Variants in TTN observed in about 807,000 individuals in gnomAD.
TTN encodes titin.
TTN carries 1,525 observed loss-of-function variants against 3,223.0 expected under a neutral mutation model. The ratio of observed to expected loss-of-function variants is 0.47; its 90% CI spans 0.45 to 0.49. TTN has a LOEUF of 0.49. TTN is among the 20% of genes least tolerant of loss of function. TTN has a pLI of 0.00. For synonymous variants in TTN, 14,094 were observed against 15,161.0 expected (o/e 0.93, Z 5.17); for missense variants, 40,786 against 43,424.0 (o/e 0.94, Z 5.40).
At chr2:178,683,779 A>C (rs895763492) in intron 133 of TTN, among the ~76,000 whole-genome samples, 1 of 152,058 alleles carries the variant, frequency 6.6e-6, no homozygotes, top group Non-Finnish European at 1.5e-5. Flanking sequence ...GATTAAGGAA[A>C]ATTATTCACA....
intron 150 of TTN, 151 bp downstream of exon 150, chr2:178,674,888 T>C: frequency 2.3e-6 from 1 of 432,048 alleles, no homozygotes; most frequent in Non-Finnish European, 4.0e-6. Flanking sequence ...TTAATTTGCC[T>C]GCCCAATTTC....
intron 22 of TTN, 134 bp downstream of exon 22, chr2:178,779,866 C>T (rs2092609482): frequency 2.4e-6 from 2 of 823,714 alleles, no homozygotes; most frequent in East Asian, 2.6e-5. Flanking sequence ...ATTAAGGAAA[C>T]TTAGCAACAG....
Position 178,611,078 on chromosome 2 carries a change from A to T in TTN, c.51051T>A (p.Ser17017Arg). The change falls in exon 270 of 363, where the codon AGT becomes AGA. Residue 17017 changes from serine (S) to arginine (R), a missense_variant. Transcript: ENST00000589042. ...TATAAATTCCGGCATCTGCACGGAC[A>T]CTCTTGGGAACTTCAAGGTGTGCAG... Reference protein sequence around the residue: ...HISAHLEVPKSVRADAGIYTI... With the variant: ...HISAHLEVPKRVRADAGIYTI... 6.2e-7 allele frequency: 1 copy of T among 1,612,754 alleles called. No homozygotes were observed. The highest frequency in any genetic ancestry group is 2.2e-5 in the East Asian group (1 of 44,676).
chr2:178,636,443 A>C lies in TTN; in HGVS notation c.41284T>G (p.Leu13762Val). 1 of 1,611,754 alleles carries C rather than the reference A, an allele frequency of 6.2e-7. No individual in the cohort carries two copies. The highest frequency in any genetic ancestry group is 8.5e-7 in the Non-Finnish European group (1 of 1,178,772). Residue 13762 changes from leucine to valine, a missense_variant, in exon 225 of 363, where the codon TTG becomes GTG. Coordinates refer to ENST00000589042, the MANE Select transcript of TTN (RefSeq NM_001267550.2). The surrounding 1 kb of genome is among the most constrained non-coding windows in gnomAD (Gnocchi z 4.3). ...GTGGAGGTCTTTTCTTTGTTTCCCA[A>C]ACGTAAAACACAGGTGTATTCACCA... The part of the protein sequence containing the change: ...DAGEYTCVLR[L>V]GNKEKTSTAK...
At position 178,677,882 on chromosome 2, in the gene TTN, C is replaced by G. The variant is rs2068464514; in HGVS notation, c.34030G>C (p.Ala11344Pro). The change falls in exon 146 of 363, where the codon GCT becomes CCT. Residue 11344 changes from alanine to proline, a missense_variant. Physicochemically the swap from Ala to Pro is conservative, Grantham distance 27. Transcript: ENST00000589042. ...AGAACTTCCTCTTCCTGAGGTAGAG[C>G]TACAGGAACTGGAACTGGTTCACGT... ...KKREPVPVPV[A>P]LPQEEEVLFE... 6.2e-7 allele frequency: 1 copy of G among 1,609,506 alleles called. No homozygotes were observed.
At position 178,632,250 on chromosome 2, in the gene TTN, C is replaced by T; in HGVS notation, c.43644G>A (p.Gly14548=). Residue 14548 remains glycine (G), a synonymous_variant, in exon 236 of 363, where the codon GGG becomes GGA. Coordinates refer to ENST00000589042, the MANE Select transcript of TTN (RefSeq NM_001267550.2). ...TTRSVSMQDE[G]KTHSITFKDL... ...CTTTGAATGTGATCGAATGAGTTTT[C>T]CCTTCGTCTTGCATTGAGACCGACC... The T allele has an allele frequency of 6.2e-7, 1 of 1,608,428 alleles. No individual in the cohort carries two copies. The highest frequency in any genetic ancestry group is 8.5e-7 in the Non-Finnish European group (1 of 1,177,258).
At chr2:178,754,202 T>C (rs1195315801) in intron 46 of TTN, among the ~76,000 whole-genome samples, 1 of 152,068 alleles carries the variant, frequency 6.6e-6, no homozygotes, top group African/African-American at 2.4e-5. Flanking sequence ...CTTCCAGGGG[T>C]TTGACATTCC....
rs150017914 is a variant in TTN, at chr2:178,746,474, T to C, written c.11312-4553A>G. The C allele has an allele frequency of 1.7e-5, 27 of 1,612,500 alleles. No individual in the cohort carries two copies. The Middle Eastern group carries it at 4.9e-4, about 29-fold the overall frequency. ...ACTTAATTCAACTTCCAGGACAATTTCTTGAGGAGAAGGTGTTCTTGATGA... is the reference window on the plus strand; with the variant it reads ...ACTTAATTCAACTTCCAGGACAATTCCTTGAGGAGAAGGTGTTCTTGATGA... On this transcript the variant is annotated intron_variant, in intron 47 of 362. Coordinates refer to ENST00000589042, the MANE Select transcript of TTN (RefSeq NM_001267550.2).
chr2:178,715,766 T>C lies in TTN; in HGVS notation c.25648A>G (p.Arg8550Gly), dbSNP rs371161599. The C allele has an allele frequency of 5.1e-6, 8 of 1,578,006 alleles. No homozygotes were observed. The highest frequency in any genetic ancestry group is 6.9e-6 in the Non-Finnish European group (8 of 1,159,998). The change falls in exon 89 of 363, where the codon AGG (arginine) becomes GGG (glycine). Residue 8550 changes from arginine to glycine, a missense_variant. Transcript: ENST00000589042. ...SAQLGVQEPP[R>G]FIKKLEPSRI... ...GAAGGTTCTAGCTTCTTAATGAACCTGGGTGGTTCTATGGAACCAAGAGGA... is the reference window on the plus strand; with the variant it reads ...GAAGGTTCTAGCTTCTTAATGAACCCGGGTGGTTCTATGGAACCAAGAGGA...
intron 2 of TTN, 115 bp from the exon 3 acceptor site, chr2:178,802,456 T>C: frequency 1.7e-6 from 2 of 1,152,370 alleles, no homozygotes; most frequent in Non-Finnish European, 2.5e-6. Flanking sequence ...CAGCATGGAA[T>C]GCCACTTAAT....
chr2:178,635,148 A>G lies in TTN; in HGVS notation c.42024+17T>C. 1 of 1,608,658 alleles carries G rather than the reference A, an allele frequency of 6.2e-7. No homozygotes were observed. The highest frequency in any genetic ancestry group is 8.5e-7 in the Non-Finnish European group (1 of 1,178,380). On this transcript the variant is annotated intron_variant, in intron 228 of 362. Coordinates refer to ENST00000589042, the MANE Select transcript of TTN (RefSeq NM_001267550.2). ...TTATTTTATATGACTAACAATTTAAAATGTGAAATTACTCACAGGTGAGGG... is the reference window on the plus strand; with the variant it reads ...TTATTTTATATGACTAACAATTTAAGATGTGAAATTACTCACAGGTGAGGG...
In TTN at chr2:178,650,240, T is replaced by A. The variant is rs1216027079; in HGVS notation, c.39741A>T (p.Glu13247Asp). 2 of 1,563,700 alleles carry A rather than the reference T, an allele frequency of 1.3e-6. No homozygotes were observed. Among genetic ancestry groups the A allele is most frequent in the African/African-American group, 2.9e-5 (2 of 68,240 alleles). Residue 13247 changes from glutamate to aspartate, a missense_variant, in exon 210 of 363, where the codon GAA (glutamate) becomes GAT (aspartate). Coordinates refer to ENST00000589042, the MANE Select transcript of TTN (RefSeq NM_001267550.2). Reference protein sequence around the residue: ...VYEEPEEIAPEEEIAPEEEKP... With the variant: ...VYEEPEEIAPDEEIAPEEEKP... ...TTTCCTCTTCAGGAGCAATTTCCTC[T>A]TCAGGAGCAATTTCCTCAGGTTCTT... is the stretch of plus-strand genomic sequence containing the variant.
chr2:178,694,125 C>T, intron 117 of TTN, 117 bp from the exon 118 acceptor site: 1 of 717,618 alleles, frequency 1.4e-6, no homozygotes, highest in Non-Finnish European at 2.3e-6. Context: ...AATATGGTAG[C>T]TTGAGAACAA....
At chr2:178,710,219 G>T (rs1288844840) in intron 98 of TTN, among the ~76,000 whole-genome samples, 1 of 152,192 alleles carries the variant, frequency 6.6e-6, no homozygotes, top group African/African-American at 2.4e-5. Flanking sequence ...GCCAAGGCGG[G>T]TGGATCACTT....
At chr2:178,631,437 T>C (rs1215971340) in intron 236 of TTN, 137 bp from the exon 237 acceptor site, 2 of 944,980 alleles carry the variant, frequency 2.1e-6, no homozygotes, top group Non-Finnish European at 3.0e-6. Context: ...ATTTAACCTG[T>C]TTATGTTCAA....
At position 178,771,062 on chromosome 2, in the gene TTN, A is replaced by T. The variant is rs4893854; in HGVS notation, c.8116+149T>A. Reference sequence around the variant, plus strand: ...TGATAAGCAATTTTGTACCTTGTGGAATGTGTCTCAGGAAGGTTTAGAGGA... The same window carrying T: ...TGATAAGCAATTTTGTACCTTGTGGTATGTGTCTCAGGAAGGTTTAGAGGA... On this transcript the variant is annotated intron_variant, in intron 34 of 362. Coordinates refer to ENST00000589042, the MANE Select transcript of TTN (RefSeq NM_001267550.2). 0.99 allele frequency: 1,254,755 copies of T among 1,266,880 alleles called. 622,189 individuals carry two copies. The highest frequency in any genetic ancestry group is 1 in the East Asian group (41,198 of 41,198). 78.5% of individuals were successfully genotyped at this position (1,266,880 alleles called of 1,614,324 possible).
rs773211286 is a variant in TTN at position 178,624,539 on chromosome 2, C to T, written c.44741G>A (p.Cys14914Tyr). Residue 14914 changes from cysteine (C) to tyrosine (Y), a missense_variant, in exon 242 of 363, where the codon TGT (cysteine) becomes TAT (tyrosine). Transcript: ENST00000589042. Reference protein sequence around the residue: ...GRVRKLVIHDCTPEDIKTYTC... With the variant: ...GRVRKLVIHDYTPEDIKTYTC... ...GTATGTTTTAATATCCTCTGGGGTA[C>T]AGTCATGTATAACAAGTTTTCTGAC... 39 of 1,612,766 alleles carry T rather than the reference C, an allele frequency of 2.4e-5. No individual in the cohort carries two copies. The East Asian group carries it at 8.3e-4, about 34-fold the overall frequency.
Position 178,738,133 on chromosome 2 carries a change from C to G in TTN, c.14320G>C (p.Ala4774Pro). ...CTGACACTGCCATACTCATTGGAAG[C>G]TTTGCATGTATACTCGCCGCAGTCA... ...VVDCGEYTCK[A>P]SNEYGSVSCT... Residue 4774 changes from alanine to proline, a missense_variant, in exon 49 of 363, where the codon GCT becomes CCT. Coordinates refer to ENST00000589042, the MANE Select transcript of TTN (RefSeq NM_001267550.2). 3 of 1,613,832 alleles carry G rather than the reference C, an allele frequency of 1.9e-6. No homozygotes were observed. The highest frequency in any genetic ancestry group is 1.7e-6 in the Non-Finnish European group (2 of 1,179,774).
rs2154165906 is a variant in TTN, at chr2:178,566,893, A to G, written c.79239T>C (p.Asp26413=). The change falls in exon 326 of 363, where the codon GAT becomes GAC. Residue 26413 remains aspartate, a synonymous_variant. Coordinates refer to ENST00000589042, the MANE Select transcript of TTN (RefSeq NM_001267550.2). ...TGTAACCAATAATCTCACTTCCACC[A>G]TCACTATCTGGACGGTTCCAACAGA... The part of the protein sequence containing the change: ...MTVCWNRPDS[D]GGSEIIGYIV... 2 of 1,613,534 alleles carry G rather than the reference A, an allele frequency of 1.2e-6. No homozygotes were observed. The highest frequency in any genetic ancestry group is 1.3e-5 in the African/African-American group (1 of 75,002).
Sources: gnomAD v4.1 joint callset for allele counts (sites outside exome capture counted in the v4.1 genomes callset) on GRCh38, gnomAD v4.1.1 for gene constraint, Gnocchi (gnomAD v3.1) non-coding constraint, MANE v1.5 for transcripts, NCBI Gene and HGNC (gene_info 2026-07-23, HGNC 2026-07-21) for gene names.